Variants in EBF2 observed in about 807,000 individuals in gnomAD.
EBF2 encodes the protein EBF transcription factor 2, also known as transcription factor COE2.
A neutral mutation model predicts 72.8 loss-of-function variants in EBF2; 21 were observed. The ratio of observed to expected loss-of-function variants is 0.29; its 90% CI spans 0.20 to 0.42. The LOEUF is 0.42. Among genes scored for constraint, EBF2 ranks in the 10% least tolerant of loss-of-function variants. The probability of loss-of-function intolerance (pLI) is 1.00; values close to 1 mark genes in which losing one functional copy is unlikely to be tolerated. For synonymous variants in EBF2, 299 were observed against 274.2 expected (o/e 1.09, Z -0.89); for missense variants, 637 against 731.2 (o/e 0.87, Z 1.49).
intron 4 of EBF2, 117 bp from the exon 5 acceptor site, chr8:26,040,218 A>G: frequency 9.1e-7 from 1 of 1,102,346 alleles, no homozygotes. Flanking sequence ...CCACCGCATT[A>G]GGAATTCCCG....
At chr8:25,978,711 A>G (rs1051375105) in intron 6 of EBF2, among the ~76,000 whole-genome samples, 1 of 152,244 alleles carries the variant, frequency 6.6e-6, no homozygotes, top group Non-Finnish European at 1.5e-5. Context: ...GCTTTGCCCA[A>G]GGAAACATAA....
intron 11 of EBF2, among the ~76,000 whole-genome samples, chr8:25,861,825 A>G (rs1215340777): frequency 1.3e-5 from 2 of 152,184 alleles, no homozygotes; most frequent in Non-Finnish European, 2.9e-5. Context: ...CTGCTGCAAA[A>G]TTTTATTCTA....
At chr8:25,971,523 C>T (rs990951471) in intron 6 of EBF2, among the ~76,000 whole-genome samples, 1 of 152,020 alleles carries the variant, frequency 6.6e-6, no homozygotes, top group Non-Finnish European at 1.5e-5. Flanking sequence ...GATTTATGAG[C>T]GCTAAATTAT....
intron 6 of EBF2, among the ~76,000 whole-genome samples, chr8:25,909,564 T>C (rs944815585): frequency 6.6e-6 from 1 of 152,202 alleles, no homozygotes; most frequent in Admixed American, 6.5e-5. Context: ...AAGGAAAAGA[T>C]ATACATTTTC....
intron 6 of EBF2, among the ~76,000 whole-genome samples, chr8:26,004,911 C>A (rs1348487801): frequency 1.3e-5 from 2 of 151,630 alleles, no homozygotes; most frequent in East Asian, 1.9e-4. Flanking sequence ...AGAGTCTATT[C>A]CTAAAGAATA....
At chr8:25,935,566 C>T (rs1031279040) in intron 6 of EBF2, among the ~76,000 whole-genome samples, 2 of 152,164 alleles carry the variant, frequency 1.3e-5, no homozygotes, top group African/African-American at 4.8e-5. Flanking sequence ...CCACCCTACC[C>T]TTTGTCTGGG....
chr8:26,007,797 CACACACACACACACAT>C (rs1804906270), intron 6 of EBF2, among the ~76,000 whole-genome samples: 1 of 150,020 alleles, frequency 6.7e-6, no homozygotes, highest in South Asian at 2.1e-4. Flanking sequence ...TGCACATGTG[CACACACACACACACAT>C]ACACACACAC....
At chr8:26,043,448 A>G (rs1450749319) in intron 1 of EBF2, among the ~76,000 whole-genome samples, 1 of 152,238 alleles carries the variant, frequency 6.6e-6, no homozygotes, top group East Asian at 1.9e-4. Flanking sequence ...AGCTAAGGAA[A>G]TGCGCGGCAC....
chr8:26,040,813 C>T, intron 3 of EBF2, 126 bp downstream of exon 3: 1 of 1,493,058 alleles, frequency 6.7e-7, no homozygotes, highest in South Asian at 1.2e-5. Context: ...AATCCCCTGT[C>T]CCAGGCAAGC....
At chr8:25,955,665 G>A (rs1279638523) in intron 6 of EBF2, among the ~76,000 whole-genome samples, 4 of 152,186 alleles carry the variant, frequency 2.6e-5, no homozygotes, top group Admixed American at 1.3e-4. Flanking sequence ...GAAGGAAAAA[G>A]GAGAGAGCTT....
chr8:25,983,845 A>G (rs1255600133), intron 6 of EBF2, among the ~76,000 whole-genome samples: 2 of 152,280 alleles, frequency 1.3e-5, no homozygotes, highest in Non-Finnish European at 2.9e-5. Context: ...TGTCGATTTA[A>G]AAATCAAAAG....
chr8:26,007,179 C>A (rs1804896233), intron 6 of EBF2, among the ~76,000 whole-genome samples: 1 of 152,166 alleles, frequency 6.6e-6, no homozygotes, highest in Non-Finnish European at 1.5e-5. Context: ...GCGATCTGAT[C>A]ATTTCCATCC....
chr8:25,866,034 A>G (rs1802307874), intron 10 of EBF2, among the ~76,000 whole-genome samples: 1 of 151,914 alleles, frequency 6.6e-6, no homozygotes, highest in Non-Finnish European at 1.5e-5. Context: ...CAAAAAAAAA[A>G]AAATCTTAAC....
chr8:26,030,102 G>A (rs1214373990), intron 6 of EBF2, among the ~76,000 whole-genome samples: 5 of 151,900 alleles, frequency 3.3e-5, no homozygotes, highest in Admixed American at 3.3e-4. Context: ...TGTAGAGATG[G>A]GATCCCACTA....
At chr8:25,883,509 G>A (rs952581531) in intron 10 of EBF2, among the ~76,000 whole-genome samples, 10 of 151,430 alleles carry the variant, frequency 6.6e-5, no homozygotes, top group South Asian at 2.1e-4. Context: ...TTTAGAGCAC[G>A]TGTTTGTTGA....
At chr8:25,866,619 T>C (rs1350793055) in intron 10 of EBF2, among the ~76,000 whole-genome samples, 1 of 117,350 alleles carries the variant, frequency 8.5e-6, no homozygotes, top group African/African-American at 3.8e-5. Context: ...TTATATTATA[T>C]TATATATATA....
intron 6 of EBF2, among the ~76,000 whole-genome samples, chr8:25,980,737 T>C (rs1804348063): frequency 7.1e-6 from 1 of 140,076 alleles, no homozygotes; most frequent in Non-Finnish European, 1.5e-5. Context: ...AGTGTGTCAA[T>C]TTCTAGACCG....
At chr8:25,896,731 GCAAGGAGAAATA>G (rs1563392548) in intron 7 of EBF2, among the ~76,000 whole-genome samples, 1 of 152,166 alleles carries the variant, frequency 6.6e-6, no homozygotes, top group African/African-American at 2.4e-5. Context: ...GTTCCATATT[GCAAGGAGAAATA>G]CACGTCGGGT....
intron 10 of EBF2, among the ~76,000 whole-genome samples, chr8:25,878,223 C>G (rs1447118956): frequency 6.6e-6 from 1 of 152,184 alleles, no homozygotes; most frequent in African/African-American, 2.4e-5. Flanking sequence ...CCTCCAGAAC[C>G]AGAATGACTT....
Sources: gnomAD v4.1 joint callset for allele counts (sites outside exome capture counted in the v4.1 genomes callset) on GRCh38, gnomAD v4.1.1 for gene constraint, MANE v1.5 for transcripts, NCBI Gene and HGNC (gene_info 2026-07-23, HGNC 2026-07-21) for gene names.